The following SYTL3 variants were observed in gnomAD, a reference collection of about 807,000 sequenced individuals.
SYTL3 encodes the protein synaptotagmin-like protein 3.
SYTL3 carries 88 observed loss-of-function variants against 82.1 expected under a neutral mutation model. The ratio of observed to expected loss-of-function variants is 1.07; its 90% CI spans 0.90 to 1.28. The LOEUF is 1.28. Among genes scored for constraint, SYTL3 ranks in the 50% most tolerant of loss-of-function variants. The pLI is 0.00. For missense variants in SYTL3, 831 were observed against 757.6 expected (o/e 1.10, Z -1.14); for synonymous variants, 311 against 289.4 (o/e 1.07, Z -0.76).
intron 5 of SYTL3, among the ~76,000 whole-genome samples, chr6:158,670,783 A>C (rs35782460): frequency 0.16 from 23,494 of 151,458 alleles, 2,152 homozygotes; most frequent in South Asian, 0.28. Context: ...CTCAAAAAAA[A>C]GAAAAAAAAG....
intron 5 of SYTL3, among the ~76,000 whole-genome samples, chr6:158,675,940 A>T (rs149703834): frequency 6.6e-6 from 1 of 152,222 alleles, no homozygotes; most frequent in Non-Finnish European, 1.5e-5. Flanking sequence ...ACAGAGCGAG[A>T]CTCCATCTCA....
At chr6:158,756,388 G>A (rs978135689) in intron 13 of SYTL3, among the ~76,000 whole-genome samples, 2 of 152,334 alleles carry the variant, frequency 1.3e-5, no homozygotes, top group East Asian at 3.9e-4. Flanking sequence ...GGAGGAGGGG[G>A]GAGTTCATGC....
intron 9 of SYTL3, among the ~76,000 whole-genome samples, chr6:158,716,272 A>G (rs1583345762): frequency 6.6e-6 from 1 of 152,196 alleles, no homozygotes; most frequent in South Asian, 2.1e-4. Flanking sequence ...ATACTGACCT[A>G]TAAGCCTATT....
At chr6:158,683,215 CTTTT>C (rs35183958) in intron 6 of SYTL3, among the ~76,000 whole-genome samples, 6 of 92,110 alleles carry the variant, frequency 6.5e-5, no homozygotes, top group African/African-American at 2.8e-4. Flanking sequence ...GGCCCTATTC[CTTTT>C]TTTTTTTTTT....
chr6:158,648,590 C>CAAAAAA (rs869171730), upstream of SYTL3, among the ~76,000 whole-genome samples: 6 of 131,432 alleles, frequency 4.6e-5, no homozygotes, highest in African/African-American at 1.4e-4. Flanking sequence ...GACTCGGTCT[C>CAAAAAA]AAAAAAAAAA....
chr6:158,762,323 A>G (rs750260153), intron 16 of SYTL3, 145 bp downstream of exon 16: 39 of 613,668 alleles, frequency 6.4e-5, no homozygotes, highest in Non-Finnish European at 1.0e-4. Flanking sequence ...AACACATATT[A>G]AAGACCCTGA....
At chr6:158,683,041 A>T in intron 6 of SYTL3, 52 bp downstream of exon 6, 1 of 1,341,932 alleles carries the variant, frequency 7.5e-7, no homozygotes, top group Non-Finnish European at 1.1e-6. Context: ...TCCTAGTTTT[A>T]AAATATTTGA....
chr6:158,701,512 G>A (rs527391500), intron 6 of SYTL3, among the ~76,000 whole-genome samples: 7 of 150,920 alleles, frequency 4.6e-5, no homozygotes, highest in Admixed American at 1.3e-4. Flanking sequence ...GGGTCATGGA[G>A]GAGTGTGAGC....
Position 158,712,067 on chromosome 6 carries a change from A to G in SYTL3, c.517-1733A>G, listed in dbSNP as rs187072369. ...TCAAGATGGAGTTGCTGTGGTTCAC[A>G]TACCTCTGACAATGTAACTCTCAGT... On this transcript the variant is annotated intron_variant, in intron 8 of 17. Coordinates refer to ENST00000611299, the MANE Select transcript of SYTL3 (RefSeq NM_001242394.2). Among the ~76,000 whole-genome samples the G allele has an allele frequency of 3.5e-4, 53 of 152,292 alleles. 2 individuals are homozygous for G. Among genetic ancestry groups the G allele is most frequent in the African/African-American group, 1.1e-3 (44 of 41,560 alleles).
chr6:158,674,047 G>A (rs945211000), intron 5 of SYTL3, among the ~76,000 whole-genome samples: 4 of 149,886 alleles, frequency 2.7e-5, no homozygotes, highest in Non-Finnish European at 4.4e-5. Flanking sequence ...TCGCACCACC[G>A]CAGTCCACCC....
chr6:158,679,341 G>A (rs1778395948), intron 5 of SYTL3, among the ~76,000 whole-genome samples: 1 of 151,920 alleles, frequency 6.6e-6, no homozygotes, highest in South Asian at 2.1e-4. Flanking sequence ...CTGCACTCCA[G>A]CCTGGGCGAT....
At chr6:158,693,850 C>CTTTTTTTTTTTTTTTTT (rs1357595960) in intron 6 of SYTL3, among the ~76,000 whole-genome samples, 2 of 58,438 alleles carry the variant, frequency 3.4e-5, no homozygotes, top group Admixed American at 1.6e-4. Flanking sequence ...CTTTCTTTTT[C>CTTTTTTTTTTTTTTTTT]TTTTCTTTTT....
At chr6:158,725,387 C>G in intron 10 of SYTL3, 116 bp from the exon 11 acceptor site, 1 of 1,164,512 alleles carries the variant, frequency 8.6e-7, no homozygotes, top group South Asian at 1.4e-5. Flanking sequence ...TCCTCCTACT[C>G]AGAAGTTTGC....
chr6:158,725,986 G>GC, intron 11 of SYTL3: 2 of 666,118 alleles, frequency 3.0e-6, no homozygotes, highest in Non-Finnish European at 5.7e-6. Context: ...GGTTGGAGCT[G>GC]CGTTAGGCAT....
intron 11 of SYTL3, among the ~76,000 whole-genome samples, chr6:158,738,456 G>A (rs1378609023): frequency 1.3e-5 from 2 of 152,144 alleles, no homozygotes; most frequent in Non-Finnish European, 2.9e-5. Flanking sequence ...AGAAGCTGAT[G>A]CCTGCAGCAA....
intron 10 of SYTL3, among the ~76,000 whole-genome samples, chr6:158,721,521 G>GT (rs1354400700): frequency 1.3e-5 from 2 of 151,916 alleles, no homozygotes; most frequent in Admixed American, 6.6e-5. Flanking sequence ...AGATATGGCT[G>GT]TTATAAGGGA....
At chr6:158,669,094 C>G (rs1777072560) in intron 5 of SYTL3, among the ~76,000 whole-genome samples, 2 of 152,152 alleles carry the variant, frequency 1.3e-5, no homozygotes, top group South Asian at 2.1e-4. Flanking sequence ...TTGACACTTT[C>G]TGCAGTGAAA....
chr6:158,764,618 A>C lies in SYTL3; in HGVS notation c.*14A>C. ...GTCCTGCACTGACATGAAGGCCTCA[A>C]GGTTCCAGGTTGCAGCAGGCGTGAG... is the stretch of plus-strand genomic sequence containing the variant. On this transcript the variant is annotated 3_prime_UTR_variant, in exon 18 of 18. Transcript: ENST00000611299. 6.3e-7 allele frequency: 1 copy of C among 1,592,420 alleles called. No homozygotes were observed. The highest frequency in any genetic ancestry group is 8.6e-7 in the Non-Finnish European group (1 of 1,160,282).
At chr6:158,725,326 C>CGTGT (rs138428767) in intron 10 of SYTL3, among the ~76,000 whole-genome samples, 177 bp from the exon 11 acceptor site, 96 of 150,654 alleles carry the variant, frequency 6.4e-4, no homozygotes, top group Non-Finnish European at 1.8e-4. Context: ...TGTGTGTGTG[C>CGTGT]GTGTGTGTGT....
Sources: gnomAD v4.1 joint callset for allele counts (sites outside exome capture counted in the v4.1 genomes callset) on GRCh38, gnomAD v4.1.1 for gene constraint, MANE v1.5 for transcripts, NCBI Gene and HGNC (gene_info 2026-07-23, HGNC 2026-07-21) for gene names.